Variants in PIK3C3 observed in about 807,000 individuals in gnomAD.
PIK3C3 encodes the protein phosphatidylinositol 3-kinase catalytic subunit type 3, also known as PI3-kinase type 3.
Under a neutral mutation model 126.1 loss-of-function variants are expected in PIK3C3, and 95 were observed. The observed-to-expected ratio is 0.75, with a 90% confidence interval of 0.64 to 0.89. PIK3C3 has a LOEUF of 0.89. Ranked by LOEUF, PIK3C3 falls within the 40% of genes least tolerant of loss-of-function variation. The pLI is 0.00. For missense variants in PIK3C3, 829 were observed against 1,063.2 expected (o/e 0.78, Z 3.06); for synonymous variants, 374 against 360.0 (o/e 1.04, Z -0.44).
intron 2 of PIK3C3, among the ~76,000 whole-genome samples, chr18:41,959,481 G>A (rs1459156604): frequency 6.6e-6 from 1 of 152,164 alleles, no homozygotes; most frequent in Non-Finnish European, 1.5e-5. Flanking sequence ...AAATTAAAAT[G>A]TCTAAGCTAT....
intron 1 of PIK3C3, 109 bp from the exon 2 acceptor site, chr18:41,957,461 T>G (rs193199627): frequency 9.8e-7 from 1 of 1,017,254 alleles, no homozygotes; most frequent in East Asian, 2.8e-5. Flanking sequence ...TTAGTACTTA[T>G]GCATATATGT....
intron 21 of PIK3C3, among the ~76,000 whole-genome samples, chr18:42,055,779 C>T (rs1487539870): frequency 1.3e-5 from 2 of 151,924 alleles, no homozygotes; most frequent in Admixed American, 6.6e-5. Context: ...ATGTTGGACA[C>T]GTTTAATTAT....
intron 20 of PIK3C3, among the ~76,000 whole-genome samples, chr18:42,047,167 CA>C (rs1453894806): frequency 1.3e-5 from 2 of 152,154 alleles, no homozygotes; most frequent in East Asian, 3.9e-4. Flanking sequence ...TAAATAGTGA[CA>C]AAAACTAACT....
rs779518560 is a variant in PIK3C3 at position 42,038,848 on chromosome 18, A to G, written c.2036A>G (p.His679Arg). ...PYKVLATSTK[H>R]GFMQFIQSVP... ...AAGGTGTTAGCCACCAGTACAAAAC[A>G]TGGTAAGTGTATTTTACATCATTAT... The change falls in exon 18 of 25, where the codon CAT becomes CGT. Residue 679 changes from histidine (H) to arginine (R), a missense_variant and splice_region_variant. By Grantham distance (29) the His-to-Arg change is conservative. Coordinates refer to ENST00000262039, the MANE Select transcript of PIK3C3 (RefSeq NM_002647.4). 1 of 1,572,892 alleles carries G rather than the reference A, an allele frequency of 6.4e-7. No homozygotes were observed. The highest frequency in any genetic ancestry group is 1.1e-5 in the South Asian group (1 of 88,982).
At chr18:42,080,260 AAAAT>A (rs1450657600) in intron 24 of PIK3C3, among the ~76,000 whole-genome samples, 4 of 152,152 alleles carry the variant, frequency 2.6e-5, no homozygotes, top group African/African-American at 9.7e-5. Flanking sequence ...ATTCACATGA[AAAAT>A]AAATCTTGCC....
intron 13 of PIK3C3, among the ~76,000 whole-genome samples, chr18:42,021,362 G>A (rs1168807719): frequency 6.6e-6 from 1 of 152,142 alleles, no homozygotes; most frequent in African/African-American, 2.4e-5. Flanking sequence ...AATATGAAGC[G>A]TGGTGCCCTT....
intron 21 of PIK3C3, among the ~76,000 whole-genome samples, chr18:42,054,146 A>ATATATC (rs1984937417): frequency 1.1e-4 from 2 of 18,258 alleles, no homozygotes; most frequent in Admixed American, 3.8e-4. Context: ...ATATATATAT[A>ATATATC]TATATATATA....
chr18:42,023,204 G>T (rs1326292413), intron 13 of PIK3C3, among the ~76,000 whole-genome samples: 1 of 152,148 alleles, frequency 6.6e-6, no homozygotes, highest in Non-Finnish European at 1.5e-5. Flanking sequence ...AGCTATATGT[G>T]TATATACTGA....
At chr18:42,076,179 C>CGCAT (rs1257441093) in intron 24 of PIK3C3, among the ~76,000 whole-genome samples, 6 of 95,254 alleles carry the variant, frequency 6.3e-5, no homozygotes, top group African/African-American at 2.0e-4. Context: ...TATATATATG[C>CGCAT]ACATATATAT....
intron 14 of PIK3C3, among the ~76,000 whole-genome samples, chr18:42,028,451 A>G (rs1433721325): frequency 2.0e-5 from 3 of 152,242 alleles, no homozygotes; most frequent in Non-Finnish European, 4.4e-5. Context: ...GCGAAAAGAA[A>G]GCTACCACAC....
intron 16 of PIK3C3, among the ~76,000 whole-genome samples, chr18:42,035,522 G>A (rs1304354471): frequency 1.3e-5 from 2 of 152,058 alleles, no homozygotes; most frequent in Admixed American, 6.6e-5. Flanking sequence ...TTTGACCTCA[G>A]TATTCAGTCT....
chr18:41,989,789 C>T (rs112845781), intron 5 of PIK3C3, among the ~76,000 whole-genome samples: 1 of 152,146 alleles, frequency 6.6e-6, no homozygotes, highest in African/African-American at 2.4e-5. Flanking sequence ...GAATGTACAC[C>T]TGTCGTTAAG....
intron 20 of PIK3C3, among the ~76,000 whole-genome samples, chr18:42,047,674 A>C (rs1441427820): frequency 6.6e-6 from 1 of 152,176 alleles, no homozygotes; most frequent in African/African-American, 2.4e-5. Context: ...AATACACTAG[A>C]GTTTAGAGAA....
intron 20 of PIK3C3, among the ~76,000 whole-genome samples, chr18:42,044,756 ATTGT>A (rs998755910): frequency 2.0e-5 from 3 of 151,862 alleles, no homozygotes; most frequent in African/African-American, 7.3e-5. Flanking sequence ...TTATAACTAG[ATTGT>A]TTATGGGAGG....
intron 18 of PIK3C3, among the ~76,000 whole-genome samples, chr18:42,039,372 A>G (rs1984201390): frequency 6.6e-6 from 1 of 152,186 alleles, no homozygotes; most frequent in Non-Finnish European, 1.5e-5. Flanking sequence ...TCAGAATGAT[A>G]TTTTAAAAAG....
chr18:42,064,734 C>T lies in PIK3C3; in HGVS notation c.2433-6C>T, dbSNP rs745579959. The T allele has an allele frequency of 6.1e-6, 9 of 1,471,714 alleles. No homozygotes were observed. The highest frequency in any genetic ancestry group is 4.6e-5 in the South Asian group (4 of 87,372). 91.2% of individuals were successfully genotyped at this position (1,471,714 alleles called of 1,614,324 possible). A position where few individuals can be genotyped will look rare whatever the true frequency, so the allele number is the denominator to read the frequency against. On this transcript the variant is annotated splice_region_variant and splice_polypyrimidine_tract_variant and intron_variant, in intron 22 of 24. Transcript: ENST00000262039. Reference sequence around the variant, plus strand: ...TGCTATTTTTTTCTTTTCTGCTCTTCTTTAGGTATTCTAATCTGATTTTGA... The same window carrying T: ...TGCTATTTTTTTCTTTTCTGCTCTTTTTTAGGTATTCTAATCTGATTTTGA...
intron 9 of PIK3C3, among the ~76,000 whole-genome samples, chr18:42,000,803 T>C (rs1478352813): frequency 6.6e-6 from 1 of 152,136 alleles, no homozygotes; most frequent in Non-Finnish European, 1.5e-5. Flanking sequence ...CTCATGAGAC[T>C]TACTCACTAT....
At position 42,027,559 on chromosome 18, in the gene PIK3C3, A is replaced by C; in HGVS notation, c.1590+11A>C. Reference sequence around the variant, plus strand: ...CAAGCATTGTTGAAGGTAACCCTTAAATGTGAGGGTTGGCAAACTGCAGCA... The same window carrying C: ...CAAGCATTGTTGAAGGTAACCCTTACATGTGAGGGTTGGCAAACTGCAGCA... On this transcript the variant is annotated intron_variant, in intron 14 of 24. Transcript: ENST00000262039. 6.5e-7 allele frequency: 1 copy of C among 1,547,118 alleles called. No individual in the cohort carries two copies. Among genetic ancestry groups the C allele is most frequent in the Non-Finnish European group, 8.9e-7 (1 of 1,121,546 alleles).
chr18:42,076,125 C>CACAT lies in PIK3C3; in HGVS notation c.2650-4997_2650-4996insCATA, dbSNP rs1985988220. ...ATATATATATATATATATATATGCG[C>CACAT]ATATATATATATATATATGCGCATA... On this transcript the variant is annotated intron_variant, in intron 24 of 24. Transcript: ENST00000262039. Among the ~76,000 whole-genome samples, 14 of 47,668 alleles carry CACAT rather than the reference C, an allele frequency of 2.9e-4. 1 individual carries two copies. Among genetic ancestry groups the CACAT allele is most frequent in the African/African-American group, 1.9e-3 (11 of 5,670 alleles). The allele number at this position is 47,668 out of a possible 152,430, so 31.3% of individuals were successfully genotyped here. A position where few individuals can be genotyped will look rare whatever the true frequency, so the allele number is the denominator to read the frequency against.
Sources: gnomAD v4.1 joint callset for allele counts (sites outside exome capture counted in the v4.1 genomes callset) on GRCh38, gnomAD v4.1.1 for gene constraint, MANE v1.5 for transcripts, NCBI Gene and HGNC (gene_info 2026-07-23, HGNC 2026-07-21) for gene names.